CCDC192: variants seen among roughly 807,000 people sequenced by gnomAD.
CCDC192 encodes coiled-coil domain-containing protein 192.
At chr5:127,867,415 C>G (rs1006869257) in intron 5 of CCDC192, among the ~76,000 whole-genome samples, 1 of 152,216 alleles carries the variant, frequency 6.6e-6, no homozygotes, top group Admixed American at 6.5e-5. Flanking sequence ...TATGGGAATT[C>G]TTTTCCACCA....
chr5:127,921,218 A>G (rs1484276365), intron 6 of CCDC192, among the ~76,000 whole-genome samples: 1 of 151,612 alleles, frequency 6.6e-6, no homozygotes, highest in African/African-American at 2.4e-5. Flanking sequence ...AGAGTAGTGG[A>G]GGAAGGAAGG....
intron 6 of CCDC192, among the ~76,000 whole-genome samples, chr5:127,896,230 T>C (rs759973003): frequency 6.6e-6 from 1 of 151,804 alleles, no homozygotes; most frequent in African/African-American, 2.4e-5. Flanking sequence ...TTTGAGGCCA[T>C]GAGTTAGAGA....
At chr5:127,912,133 T>C (rs955223712) in intron 6 of CCDC192, among the ~76,000 whole-genome samples, 17 of 150,954 alleles carry the variant, frequency 1.1e-4, no homozygotes, top group Non-Finnish European at 2.2e-4. Flanking sequence ...GGTTTCACCA[T>C]ATTGGCCAGG....
At chr5:127,892,118 C>A (rs890968973) in intron 6 of CCDC192, among the ~76,000 whole-genome samples, 12 of 152,070 alleles carry the variant, frequency 7.9e-5, no homozygotes, top group African/African-American at 2.7e-4. Context: ...CTAAAAAAAG[C>A]CAAGAAGCTA....
chr5:127,717,499 T>A (rs1751691155), intron 2 of CCDC192, among the ~76,000 whole-genome samples: 1 of 151,076 alleles, frequency 6.6e-6, no homozygotes, highest in South Asian at 2.1e-4. Flanking sequence ...TAATTGGGAT[T>A]TTTTTTTTGC....
At chr5:127,720,630 C>G (rs183347302) in intron 2 of CCDC192, among the ~76,000 whole-genome samples, 1 of 152,352 alleles carries the variant, frequency 6.6e-6, no homozygotes, top group East Asian at 1.9e-4. Flanking sequence ...TATTTCTCCT[C>G]CACACTGCCC....
chr5:127,873,526 C>G (rs898860445), intron 5 of CCDC192, among the ~76,000 whole-genome samples: 1 of 152,194 alleles, frequency 6.6e-6, no homozygotes, highest in Non-Finnish European at 1.5e-5. Flanking sequence ...GCAACTTGCT[C>G]TCATCAGCAC....
chr5:127,726,581 T>C (rs1752335738), intron 2 of CCDC192, among the ~76,000 whole-genome samples: 1 of 152,116 alleles, frequency 6.6e-6, no homozygotes, highest in South Asian at 2.1e-4. Context: ...CTCCTGTGGG[T>C]GCTGGGGAGG....
At chr5:127,772,360 G>A (rs1755604553) in intron 3 of CCDC192, among the ~76,000 whole-genome samples, 1 of 151,862 alleles carries the variant, frequency 6.6e-6, no homozygotes. Flanking sequence ...TCTGGAGGCT[G>A]GAGCAGGAGA....
At chr5:127,814,380 G>A (rs1019072738) in intron 5 of CCDC192, among the ~76,000 whole-genome samples, 6 of 152,088 alleles carry the variant, frequency 3.9e-5, no homozygotes, top group African/African-American at 1.4e-4. Context: ...GCTCTTTCCC[G>A]CATAAAACAC....
At chr5:127,735,526 T>C (rs79655292) in intron 2 of CCDC192, among the ~76,000 whole-genome samples, 42,231 of 60,278 alleles carry the variant, frequency 0.7, 16,528 homozygotes, top group Middle Eastern at 0.87. Flanking sequence ...GGCAGTATGG[T>C]CATTTTCACA....
intron 3 of CCDC192, among the ~76,000 whole-genome samples, chr5:127,782,745 C>A (rs987607175): frequency 6.6e-6 from 1 of 151,928 alleles, no homozygotes; most frequent in Non-Finnish European, 1.5e-5. Context: ...TTTTATTTAT[C>A]TTTTCAAAGA....
chr5:127,728,910 T>A (rs993945028), intron 2 of CCDC192, among the ~76,000 whole-genome samples: 2 of 152,134 alleles, frequency 1.3e-5, no homozygotes, highest in Non-Finnish European at 2.9e-5. Flanking sequence ...GTTTCTTTTT[T>A]TCTTTTTTTT....
chr5:127,827,254 A>T (rs1461523111), intron 5 of CCDC192, among the ~76,000 whole-genome samples: 1 of 152,170 alleles, frequency 6.6e-6, no homozygotes, highest in Non-Finnish European at 1.5e-5. Flanking sequence ...TCTGAGGAAG[A>T]GTAAAGGGAG....
intron 6 of CCDC192, among the ~76,000 whole-genome samples, chr5:127,928,400 G>A (rs1753924000): frequency 6.6e-6 from 1 of 152,146 alleles, no homozygotes; most frequent in Admixed American, 6.5e-5. Context: ...CTGTCTCTGT[G>A]TTCAGAGCCA....
At chr5:127,799,888 A>G (rs1325301837) in intron 5 of CCDC192, among the ~76,000 whole-genome samples, 2 of 152,332 alleles carry the variant, frequency 1.3e-5, no homozygotes, top group East Asian at 3.9e-4. Context: ...CAATGTGTCA[A>G]GAAAAACTTA....
intron 3 of CCDC192, among the ~76,000 whole-genome samples, chr5:127,762,889 T>C (rs1463089588): frequency 6.6e-6 from 1 of 152,246 alleles, no homozygotes; most frequent in African/African-American, 2.4e-5. Context: ...TTTGTTCAAT[T>C]ATTCATTCAA....
At chr5:127,805,511 A>T (rs1051406406) in intron 5 of CCDC192, among the ~76,000 whole-genome samples, 1 of 152,210 alleles carries the variant, frequency 6.6e-6, no homozygotes, top group Non-Finnish European at 1.5e-5. Context: ...ACTTTATTTT[A>T]AAATATCATA....
chr5:127,842,882 C>T (rs981140949), intron 5 of CCDC192, among the ~76,000 whole-genome samples: 3 of 152,176 alleles, frequency 2.0e-5, no homozygotes, highest in Non-Finnish European at 4.4e-5. Context: ...ACTGTCACAA[C>T]TTCCACTATA....
Sources: gnomAD v4.1 joint callset for allele counts (sites outside exome capture counted in the v4.1 genomes callset) on GRCh38, gnomAD v4.1.1 for gene constraint, MANE v1.5 for transcripts, NCBI Gene and HGNC (gene_info 2026-07-23, HGNC 2026-07-21) for gene names.